The following RTN3 variants were observed in gnomAD, a reference collection of about 807,000 sequenced individuals.
The protein encoded by RTN3 is reticulon 3.
Under a neutral mutation model 77.8 loss-of-function variants are expected in RTN3, and 49 were observed. The observed-to-expected ratio is 0.63, with a 90% CI of 0.50 to 0.80. RTN3 has a LOEUF of 0.80. RTN3 is among the 30% of genes least tolerant of loss of function. The pLI is 0.00. For synonymous variants in RTN3, 464 were observed against 446.9 expected, an observed-to-expected ratio of 1.04 and a Z score of -0.48; for missense variants, 1,236 against 1,211.9, an observed-to-expected ratio of 1.02 and a Z score of -0.29.
At chr11:63,739,697 A>G (rs2013346643) in intron 3 of RTN3, among the ~76,000 whole-genome samples, 1 of 152,098 alleles carries the variant, frequency 6.6e-6, no homozygotes, top group Non-Finnish European at 1.5e-5. Context: ...ATCCCATCTC[A>G]CATGCAGCTG....
At chr11:63,700,443 T>A (rs946195685) in intron 1 of RTN3, among the ~76,000 whole-genome samples, 11 of 143,054 alleles carry the variant, frequency 7.7e-5, no homozygotes, top group Non-Finnish European at 1.4e-4. Flanking sequence ...ACCCAGCTAA[T>A]TTTTTTTTTT....
At chr11:63,735,519 C>G (rs2013028656) in intron 3 of RTN3, among the ~76,000 whole-genome samples, 1 of 146,396 alleles carries the variant, frequency 6.8e-6, no homozygotes. Flanking sequence ...TCTATGGATT[C>G]AAGACAATTC....
At chr11:63,718,538 A>T (rs2011529907) in intron 2 of RTN3, among the ~76,000 whole-genome samples, 164 bp from the exon 3 acceptor site, 1 of 152,162 alleles carries the variant, frequency 6.6e-6, no homozygotes. Flanking sequence ...CCTGTAGGAT[A>T]ACTTGATCGT....
chr11:63,751,274 G>A (rs1022707828), intron 4 of RTN3, among the ~76,000 whole-genome samples: 7 of 152,230 alleles, frequency 4.6e-5, no homozygotes, highest in African/African-American at 7.2e-5. Context: ...GGTAAGACTT[G>A]ACATGACTTT....
chr11:63,699,224 C>G (rs1239540156), intron 1 of RTN3, among the ~76,000 whole-genome samples: 1 of 152,010 alleles, frequency 6.6e-6, no homozygotes, highest in Admixed American at 6.6e-5. Context: ...TCACTTGAAC[C>G]TGGGAGGCGG....
chr11:63,725,541 C>G (rs971168629), intron 3 of RTN3, among the ~76,000 whole-genome samples: 2 of 151,982 alleles, frequency 1.3e-5, no homozygotes, highest in Non-Finnish European at 2.9e-5. Context: ...CTCCGCCTCC[C>G]GGGTTCATGC....
At position 63,684,129 on chromosome 11, in the gene RTN3, GTT is replaced by G. The variant is rs61663789; in HGVS notation, c.142+2375_142+2376del. Among the ~76,000 whole-genome samples the G allele has an allele frequency of 6.7e-3, 569 of 85,164 alleles. 3 individuals carry two copies. Among genetic ancestry groups the G allele is most frequent in the African/African-American group, 0.013 (239 of 19,076 alleles). 55.9% of individuals were successfully genotyped at this position (85,164 alleles called of 152,430 possible). On this transcript the variant is annotated intron_variant, in intron 1 of 8. Transcript: ENST00000377819. ...ACCACGCGTGGTTAATTTTCTTTTG[GTT>G]TTTTTTTTTTTTTTTTTTTTTTTGG...
intron 1 of RTN3, among the ~76,000 whole-genome samples, chr11:63,684,691 A>G (rs1375866702): frequency 1.3e-5 from 2 of 152,258 alleles, no homozygotes; most frequent in Non-Finnish European, 2.9e-5. Context: ...AGTGATATAT[A>G]GTAGTACTTG....
chr11:63,681,475 C>T, upstream of RTN3: 3 of 716,540 alleles, frequency 4.2e-6, no homozygotes, highest in South Asian at 6.6e-5. Flanking sequence ...CTCCCGCCCT[C>T]TAGCTGCGCT....
intron 1 of RTN3, among the ~76,000 whole-genome samples, chr11:63,699,037 G>T (rs61928205): frequency 3.9e-5 from 6 of 152,128 alleles, no homozygotes; most frequent in Non-Finnish European, 4.4e-5. Context: ...CCTGTAATCC[G>T]AACACTTTGG....
At chr11:63,696,269 T>C (rs910556181) in intron 1 of RTN3, among the ~76,000 whole-genome samples, 1 of 151,732 alleles carries the variant, frequency 6.6e-6, no homozygotes, top group African/African-American at 2.4e-5. Flanking sequence ...TGATGGTGCG[T>C]ACCTGTAATC....
chr11:63,752,169 TAAA>T (rs11297692), intron 4 of RTN3, among the ~76,000 whole-genome samples: 15 of 134,152 alleles, frequency 1.1e-4, no homozygotes, highest in African/African-American at 3.8e-4. Context: ...TTAAAACTGC[TAAA>T]AAAAAAAAAA....
At chr11:63,726,093 C>T (rs11231574) in intron 3 of RTN3, among the ~76,000 whole-genome samples, 1 of 152,132 alleles carries the variant, frequency 6.6e-6, no homozygotes, top group Non-Finnish European at 1.5e-5. Context: ...TACAGGGAAT[C>T]TGAAGTAATT....
At chr11:63,732,757 G>A (rs1022995076) in intron 3 of RTN3, among the ~76,000 whole-genome samples, 20 of 152,030 alleles carry the variant, frequency 1.3e-4, no homozygotes, top group Non-Finnish European at 8.8e-5. Flanking sequence ...ATTCTTCGAA[G>A]CATATAAGGA....
At chr11:63,685,835 A>T (rs980531614) in intron 1 of RTN3, among the ~76,000 whole-genome samples, 1 of 152,184 alleles carries the variant, frequency 6.6e-6, no homozygotes, top group African/African-American at 2.4e-5. Flanking sequence ...TTTTGTCTTG[A>T]CTGACCTGTC....
chr11:63,712,596 C>T (rs2011190670), intron 2 of RTN3, among the ~76,000 whole-genome samples: 1 of 150,448 alleles, frequency 6.6e-6, no homozygotes, highest in Non-Finnish European at 1.5e-5. Flanking sequence ...AGCGATTCTC[C>T]TGCCTCAGTC....
At chr11:63,746,100 C>T (rs886720183) in intron 3 of RTN3, among the ~76,000 whole-genome samples, 3 of 152,092 alleles carry the variant, frequency 2.0e-5, no homozygotes, top group African/African-American at 7.2e-5. Context: ...AGTGACCCAC[C>T]GCACCTGGCC....
chr11:63,692,945 G>GA (rs567467230), intron 1 of RTN3, among the ~76,000 whole-genome samples: 5 of 148,754 alleles, frequency 3.4e-5, no homozygotes, highest in African/African-American at 9.8e-5. Context: ...CAATGAGAAA[G>GA]AAAAAAAGAG....
At chr11:63,691,348 T>A (rs1941648193) in intron 1 of RTN3, among the ~76,000 whole-genome samples, 2 of 152,076 alleles carry the variant, frequency 1.3e-5, no homozygotes, top group Non-Finnish European at 2.9e-5. Context: ...CTTGAACTCC[T>A]GACCTCAGGA....
Sources: allele counts gnomAD v4.1 joint callset (sites outside exome capture counted in the v4.1 genomes callset), GRCh38; gene constraint gnomAD v4.1.1; transcripts MANE v1.5; gene names NCBI Gene and HGNC (gene_info 2026-07-23, HGNC 2026-07-21).